NOC3L: variants seen among roughly 807,000 people sequenced by gnomAD.
NOC3L encodes NOC3 like DNA replication regulator.
Under a neutral mutation model 102.5 loss-of-function variants are expected in NOC3L, and 85 were observed. That is an observed-to-expected ratio of 0.83 (90% confidence interval 0.70 to 0.99). NOC3L has a LOEUF of 0.99. Among genes scored for constraint, NOC3L ranks in the 50% least tolerant of loss-of-function variants. The pLI is 0.00. For synonymous variants in NOC3L, 303 were observed against 309.4 expected (o/e 0.98, Z 0.22); for missense variants, 878 against 914.9 (o/e 0.96, Z 0.52).
intron 16 of NOC3L, 55 bp downstream of exon 16, chr10:94,340,221 A>C (rs1208484784): frequency 2.8e-6 from 4 of 1,430,906 alleles, no homozygotes; most frequent in Non-Finnish European, 3.9e-6. Context: ...ATGGGTCATA[A>C]CATATTCTTA....
the NOC3L span, among the ~76,000 whole-genome samples, chr10:94,318,727 GAGCTGGGGA>G: frequency 5.3e-5 from 8 of 152,302 alleles, no homozygotes; most frequent in Non-Finnish European, 1.2e-4. Context: ...ATGCTCAGAG[GAGCTGGGGA>G]GGTGAGGGAC....
intron 19 of NOC3L, among the ~76,000 whole-genome samples, chr10:94,336,782 T>G (rs1009558938): frequency 2.0e-5 from 3 of 151,764 alleles, no homozygotes; most frequent in African/African-American, 4.8e-5. Flanking sequence ...AAAAAGGTAA[T>G]TACTGGCTGG....
chr10:94,354,856 A>T, intron 6 of NOC3L, 107 bp downstream of exon 6: 1 of 1,086,120 alleles, frequency 9.2e-7, no homozygotes, highest in Non-Finnish European at 1.3e-6. Context: ...ATGTTTAGTT[A>T]ATGCTTTTCC....
At chr10:94,361,913 A>G in intron 1 of NOC3L, 41 bp from the exon 2 acceptor site, 1 of 1,415,860 alleles carries the variant, frequency 7.1e-7, no homozygotes, top group Non-Finnish European at 9.8e-7. Flanking sequence ...CCAGAAACTT[A>G]TTTTTTAAAT....
At chr10:94,325,830 G>A in the NOC3L span, among the ~76,000 whole-genome samples, 4 of 151,914 alleles carry the variant, frequency 2.6e-5, no homozygotes, top group East Asian at 1.9e-4. Flanking sequence ...TGGATTTCTC[G>A]TTTTATTACT....
chr10:94,361,457 TG>T, intron 2 of NOC3L: 1 of 530,766 alleles, frequency 1.9e-6, no homozygotes, highest in African/African-American at 1.9e-5. Context: ...AGCAGAAGCT[TG>T]AATGAATACT....
At chr10:94,362,609 G>T (rs1004377886) in intron 1 of NOC3L, among the ~76,000 whole-genome samples, 6 of 152,094 alleles carry the variant, frequency 3.9e-5, no homozygotes, top group Non-Finnish European at 1.5e-5. Flanking sequence ...GAAATCCCAC[G>T]CATGCAAAAC....
In NOC3L at chr10:94,362,918, G is replaced by A. The variant is rs1359075348; in HGVS notation, c.-80C>T. The stretch of plus-strand genomic sequence containing the variant: ...ACAGAAATCCCGGGGAATGACACAC[G>A]TGCCGAAGTCCCTACACTACCAGAG... On this transcript the variant is annotated 5_prime_UTR_variant, in exon 1 of 21. In the 5' UTR this introduces an upstream ATG that the reference lacks. Coordinates refer to ENST00000371361, the MANE Select transcript of NOC3L (RefSeq NM_022451.11). 3 of 1,608,786 alleles carry A rather than the reference G, an allele frequency of 1.9e-6. No homozygotes were observed. The highest frequency in any genetic ancestry group is 1.1e-5 in the South Asian group (1 of 90,948).
Position 94,339,929 on chromosome 10 carries a change from G to C in NOC3L, c.1781-9C>G. 6.2e-7 allele frequency: 1 copy of C among 1,609,818 alleles called. No individual in the cohort carries two copies. Among genetic ancestry groups the C allele is most frequent in the Non-Finnish European group, 8.5e-7 (1 of 1,177,340 alleles). ...ACCTTCATTGGTAGCACCTAAAACA[G>C]CAGACATATTCTTCAGAGCTGTTCT... is the stretch of plus-strand genomic sequence containing the variant. On this transcript the variant is annotated splice_polypyrimidine_tract_variant and intron_variant, in intron 16 of 20. Transcript: ENST00000371361.
chr10:94,340,034 TC>T lies in NOC3L; in HGVS notation c.1781-115del, dbSNP rs577638303. 5.4e-6 allele frequency: 5 copies of T among 919,888 alleles called. No individual in the cohort carries two copies. In the South Asian group the frequency reaches 8.5e-5, roughly 16 times the overall value. The allele number at this position is 919,888 out of a possible 1,614,324, so 57.0% of individuals were successfully genotyped here. ...TTTTGTACCTGTCCCAAACCATTTC[TC>T]TAATCAATGAGGTAGTGCTATACTG... On this transcript the variant is annotated intron_variant, in intron 16 of 20. Transcript: ENST00000371361.
chr10:94,355,170 G>A, intron 5 of NOC3L, 77 bp from the exon 6 acceptor site: 3 of 1,263,280 alleles, frequency 2.4e-6, no homozygotes, highest in Non-Finnish European at 3.3e-6. Context: ...TATTTTTACA[G>A]TAATAATAAT....
In NOC3L at chr10:94,352,361, G is replaced by C. The variant is rs750178870; in HGVS notation, c.901C>G (p.Leu301Val). 9.3e-6 allele frequency: 15 copies of C among 1,613,636 alleles called. No homozygotes were observed. The highest frequency in any genetic ancestry group is 1.3e-5 in the African/African-American group (1 of 74,874). The change falls in exon 8 of 21, where the codon CTG (leucine) becomes GTG (valine). Residue 301 changes from leucine (L) to valine (V), a missense_variant. By Grantham distance (32) the Leu-to-Val change is conservative. Coordinates refer to ENST00000371361, the MANE Select transcript of NOC3L (RefSeq NM_022451.11). Reference sequence around the variant, plus strand: ...AAATAAAACTTGTATTGGCTAACCAGGCCTTCTTCAAATTCTCTTAACTTC... The same window carrying C: ...AAATAAAACTTGTATTGGCTAACCACGCCTTCTTCAAATTCTCTTAACTTC... ...TQKLREFEEGLVSQYKFYLEN... is the reference protein window; with the variant it reads ...TQKLREFEEGVVSQYKFYLEN...
the NOC3L span, among the ~76,000 whole-genome samples, chr10:94,317,111 C>T: frequency 5.9e-5 from 9 of 152,114 alleles, no homozygotes; most frequent in African/African-American, 2.2e-4. Context: ...ATTAGCCAGG[C>T]GTGGTGGCAG....
intron 13 of NOC3L, among the ~76,000 whole-genome samples, chr10:94,343,564 T>C (rs2054310100): frequency 6.6e-6 from 1 of 152,366 alleles, no homozygotes; most frequent in East Asian, 1.9e-4. Context: ...GCCTTTTCTA[T>C]ATCTTCTAGC....
intron 8 of NOC3L, among the ~76,000 whole-genome samples, chr10:94,351,968 A>C (rs1234390800): frequency 3.9e-5 from 6 of 152,220 alleles, no homozygotes; most frequent in African/African-American, 9.7e-5. Flanking sequence ...TGCAGCAATA[A>C]TACTAATAAT....
chr10:94,320,632 G>A, the NOC3L span, among the ~76,000 whole-genome samples: 1 of 152,202 alleles, frequency 6.6e-6, no homozygotes, highest in Non-Finnish European at 1.5e-5. Context: ...GGATAAGGGA[G>A]TTTTCCTGCC....
At chr10:94,319,862 C>CT in the NOC3L span, among the ~76,000 whole-genome samples, 1 of 86,196 alleles carries the variant, frequency 1.2e-5, no homozygotes, top group Non-Finnish European at 2.6e-5. Flanking sequence ...CTCAAAGGTG[C>CT]TCTTTTTTTT....
At position 94,353,021 on chromosome 10, in the gene NOC3L, C is replaced by T. The variant is rs1291650074; in HGVS notation, c.733G>A (p.Glu245Lys). Residue 245 changes from glutamate (E) to lysine (K), a missense_variant, in exon 7 of 21, where the codon GAA becomes AAA. By Grantham distance (56) the Glu-to-Lys change is moderately conservative (BLOSUM62 1). Transcript: ENST00000371361. ...KLKELRSMLM[E>K]QDPDVAVTVR... is the part of the protein sequence containing the mutation. Reference sequence around the variant, plus strand: ...GTAACAGCCACATCAGGATCTTGTTCCATCAACATAGAACGTAATTCTTTC... The same window carrying T: ...GTAACAGCCACATCAGGATCTTGTTTCATCAACATAGAACGTAATTCTTTC... 1.9e-6 allele frequency: 3 copies of T among 1,612,642 alleles called. No homozygotes were observed. The South Asian group carries it at 3.3e-5, about 18-fold the overall frequency.
intron 2 of NOC3L, 68 bp downstream of exon 2, chr10:94,361,597 T>G (rs1373959349): frequency 6.7e-7 from 1 of 1,494,430 alleles, no homozygotes; most frequent in Non-Finnish European, 9.3e-7. Context: ...GAAAGCAAAG[T>G]TATTTCCATG....
Sources: allele counts gnomAD v4.1 joint callset (sites outside exome capture counted in the v4.1 genomes callset), GRCh38; gene constraint gnomAD v4.1.1; transcripts MANE v1.5; gene names NCBI Gene and HGNC (gene_info 2026-07-23, HGNC 2026-07-21).